The following CERKL variants were observed in gnomAD, a reference collection of about 807,000 sequenced individuals.
The protein encoded by CERKL is CERK like autophagy regulator, also known as ceramide kinase-like protein.
A neutral mutation model predicts 63.4 loss-of-function variants in CERKL; 61 were observed. The ratio of observed to expected loss-of-function variants is 0.96; its 90% CI spans 0.78 to 1.19. The LOEUF is 1.19. CERKL is among the 50% of genes most tolerant of loss of function. The pLI is 0.00. For synonymous variants in CERKL, 250 were observed against 230.5 expected (o/e 1.08, Z -0.77); for missense variants, 675 against 655.5 (o/e 1.03, Z -0.33).
chr2:181,585,092 T>C (rs1343790795), intron 2 of CERKL, among the ~76,000 whole-genome samples: 1 of 152,022 alleles, frequency 6.6e-6, no homozygotes, highest in Admixed American at 6.6e-5. Flanking sequence ...TTGCCCACTG[T>C]GTATAGAAGA....
intron 2 of CERKL, among the ~76,000 whole-genome samples, chr2:181,582,852 A>G (rs542868541): frequency 5.9e-5 from 9 of 152,158 alleles, no homozygotes; most frequent in African/African-American, 2.2e-4. Context: ...CCTCGTCAAC[A>G]TATGTTTCTA....
intron 1 of CERKL, among the ~76,000 whole-genome samples, chr2:181,647,330 A>G (rs3910662): frequency 0.44 from 66,801 of 152,088 alleles, 16,279 homozygotes; most frequent in South Asian, 0.78. Flanking sequence ...AAATAAACAT[A>G]GAAGAAAAGC....
At chr2:181,553,271 T>C (rs1029585240) in intron 5 of CERKL, among the ~76,000 whole-genome samples, 1 of 152,142 alleles carries the variant, frequency 6.6e-6, no homozygotes, top group Non-Finnish European at 1.5e-5. Context: ...AAATCTGGAA[T>C]GGATCAGGAG....
At chr2:181,629,387 C>T (rs1404615560) in intron 1 of CERKL, among the ~76,000 whole-genome samples, 1 of 152,150 alleles carries the variant, frequency 6.6e-6, no homozygotes, top group Admixed American at 6.6e-5. Context: ...AAAGTAAATG[C>T]TCAGACCTGA....
intron 1 of CERKL, among the ~76,000 whole-genome samples, chr2:181,640,641 G>A (rs1687378126): frequency 6.6e-6 from 1 of 152,104 alleles, no homozygotes; most frequent in Non-Finnish European, 1.5e-5. Flanking sequence ...AATTACAGAG[G>A]GTACAAAAAC....
In CERKL at chr2:181,657,002, G is replaced by A. The variant is rs1252260988; in HGVS notation, c.5C>T (p.Pro2Leu). The A allele has an allele frequency of 6.3e-7, 1 of 1,581,874 alleles. No individual in the cohort carries two copies. Among genetic ancestry groups the A allele is most frequent in the Non-Finnish European group, 8.5e-7 (1 of 1,169,718 alleles). Residue 2 changes from proline to leucine, a missense_variant, in exon 1 of 13, where the codon CCC becomes CTC. Coordinates refer to ENST00000410087, the MANE Select transcript of CERKL (RefSeq NM_201548.5). MPWRRRRNRVSA... is the reference protein window; with the variant it reads MLWRRRRNRVSA... ...CACCCGGTTCCTGCGCCTCCTCCAG[G>A]GCATGGCGGAGTCGCAGGCTGGGCC...
intron 12 of CERKL, 116 bp downstream of exon 12, chr2:181,538,976 G>A: frequency 1.3e-6 from 1 of 794,468 alleles, no homozygotes; most frequent in Non-Finnish European, 2.2e-6. Flanking sequence ...CTGATTTACT[G>A]ATTTTTTAAA....
In CERKL at chr2:181,609,533, T is replaced by TGAAAA. The variant is rs1267362169; in HGVS notation, c.239-5455_239-5454insTTTTC. On this transcript the variant is annotated intron_variant, in intron 1 of 12. Coordinates refer to ENST00000410087, the MANE Select transcript of CERKL (RefSeq NM_201548.5). Reference sequence around the variant, plus strand: ...CACCATGGTGAAACCCTGTCTCTACTAAAAAAAAAAAAAAAAAAAAAAATT... The same window carrying TGAAAA: ...CACCATGGTGAAACCCTGTCTCTACTGAAAAAAAAAAAAAAAAAAAAAAAAAAATT... Among the ~76,000 whole-genome samples, 52 of 70,232 alleles carry TGAAAA rather than the reference T, an allele frequency of 7.4e-4. 5 individuals carry two copies. Among genetic ancestry groups the TGAAAA allele is most frequent in the African/African-American group, 2.2e-3 (46 of 21,106 alleles). 46.1% of individuals were successfully genotyped at this position (70,232 alleles called of 152,430 possible). A position where few individuals can be genotyped will look rare whatever the true frequency, so the allele number is the denominator to read the frequency against.
At chr2:181,540,105 A>G (rs535371781) in intron 11 of CERKL, among the ~76,000 whole-genome samples, 7 of 152,172 alleles carry the variant, frequency 4.6e-5, no homozygotes, top group Non-Finnish European at 1.0e-4. Flanking sequence ...CCCAACACCC[A>G]TATTTTACAT....
intron 1 of CERKL, among the ~76,000 whole-genome samples, chr2:181,620,830 AAAGT>A (rs1009028810): frequency 2.6e-5 from 4 of 152,334 alleles, no homozygotes; most frequent in African/African-American, 9.6e-5. Flanking sequence ...CGAACATCCA[AAAGT>A]AAGCTTCAAA....
At chr2:181,552,950 A>T (rs1381490346) in intron 5 of CERKL, among the ~76,000 whole-genome samples, 1 of 152,126 alleles carries the variant, frequency 6.6e-6, no homozygotes, top group Non-Finnish European at 1.5e-5. Context: ...TTAGATCCCC[A>T]GGTGGTTTGT....
chr2:181,600,886 C>G (rs978446294), intron 2 of CERKL, among the ~76,000 whole-genome samples: 4 of 152,132 alleles, frequency 2.6e-5, no homozygotes, highest in African/African-American at 9.7e-5. Flanking sequence ...AATATTCCAC[C>G]CAACAACACA....
At chr2:181,595,277 G>T (rs1276997755) in intron 2 of CERKL, among the ~76,000 whole-genome samples, 1 of 151,922 alleles carries the variant, frequency 6.6e-6, no homozygotes, top group African/African-American at 2.4e-5. Context: ...CCCAATTCAG[G>T]CCAAGACATT....
chr2:181,653,175 T>A (rs1229989906), intron 1 of CERKL, among the ~76,000 whole-genome samples: 4 of 152,170 alleles, frequency 2.6e-5, no homozygotes, highest in African/African-American at 4.8e-5. Flanking sequence ...ACATCACTAA[T>A]CATCAGGGAA....
chr2:181,549,580 T>C, intron 6 of CERKL, 54 bp downstream of exon 6: 1 of 1,301,114 alleles, frequency 7.7e-7, no homozygotes, highest in Non-Finnish European at 1.1e-6. Flanking sequence ...TGGCCTTCCT[T>C]ATATAAATCA....
chr2:181,583,365 T>C (rs1684620818), intron 2 of CERKL, among the ~76,000 whole-genome samples: 1 of 152,202 alleles, frequency 6.6e-6, no homozygotes, highest in Non-Finnish European at 1.5e-5. Context: ...GATCAGGCTG[T>C]CACCTCCTTA....
chr2:181,595,205 T>C (rs1335291448), intron 2 of CERKL, among the ~76,000 whole-genome samples: 1 of 142,792 alleles, frequency 7.0e-6, no homozygotes, highest in Non-Finnish European at 1.5e-5. Context: ...TGTGTTTATA[T>C]GTGTTTTTAA....
chr2:181,602,896 C>T (rs189094888), intron 2 of CERKL, among the ~76,000 whole-genome samples: 5 of 151,538 alleles, frequency 3.3e-5, no homozygotes, highest in Admixed American at 3.3e-4. Context: ...AAATCTAAGA[C>T]AAAAAAAATA....
intron 1 of CERKL, among the ~76,000 whole-genome samples, chr2:181,612,974 T>A (rs1211291610): frequency 7.2e-5 from 11 of 152,190 alleles, no homozygotes; most frequent in Admixed American, 7.2e-4. Flanking sequence ...CTAAGTAACA[T>A]ATTCATTACC....
Sources: allele counts gnomAD v4.1 joint callset (sites outside exome capture counted in the v4.1 genomes callset), GRCh38; gene constraint gnomAD v4.1.1; transcripts MANE v1.5; gene names NCBI Gene and HGNC (gene_info 2026-07-23, HGNC 2026-07-21).